CCSER1: variants seen among roughly 807,000 people sequenced by gnomAD.
CCSER1 encodes the protein coiled-coil serine rich protein 1.
A neutral mutation model predicts 82.0 loss-of-function variants in CCSER1; 41 were observed. The observed-to-expected ratio is 0.50, with a 90% CI of 0.39 to 0.65. The LOEUF (loss-of-function observed/expected upper bound fraction) is 0.65. CCSER1 is among the 30% of genes least tolerant of loss of function. The pLI, the probability that CCSER1 is intolerant of heterozygous loss-of-function variation, is 0.00. For missense variants in CCSER1, 1,119 were observed against 1,064.2 expected (o/e 1.05, Z -0.72); for synonymous variants, 414 against 383.9 (o/e 1.08, Z -0.92).
chr4:91,546,738 G>C (rs1761910239), intron 10 of CCSER1, among the ~76,000 whole-genome samples: 1 of 151,628 alleles, frequency 6.6e-6, no homozygotes, highest in African/African-American at 2.4e-5. Flanking sequence ...ATTGATTTGG[G>C]CTCTAATTTT....
intron 10 of CCSER1, among the ~76,000 whole-genome samples, chr4:91,211,062 A>G (rs1736776881): frequency 6.6e-6 from 1 of 151,978 alleles, no homozygotes; most frequent in South Asian, 2.1e-4. Context: ...ATATTGGGAA[A>G]TGATTCATGA....
rs1767659672 is a variant in CCSER1, at chr4:90,489,681, C to G, written c.1724+21327C>G. ...GATATCCATCCTCCCTCCACCCAAC[C>G]CCATGACAGGCCCTAGTGTGTGATG... is the stretch of plus-strand genomic sequence containing the variant. On this transcript the variant is annotated intron_variant, in intron 5 of 10. Transcript: ENST00000509176. Among the ~76,000 whole-genome samples the G allele has an allele frequency of 2.6e-5, 4 of 152,144 alleles. No homozygotes were observed. The South Asian group carries it at 8.3e-4, about 31-fold the overall frequency.
chr4:91,094,593 G>A (rs1370964282), intron 10 of CCSER1, among the ~76,000 whole-genome samples: 2 of 152,140 alleles, frequency 1.3e-5, no homozygotes, highest in Non-Finnish European at 2.9e-5. Flanking sequence ...AAGCATGTAA[G>A]ATGAACCTGT....
intron 9 of CCSER1, among the ~76,000 whole-genome samples, chr4:90,986,490 G>C (rs1736589372): frequency 6.6e-6 from 1 of 151,720 alleles, no homozygotes; most frequent in Non-Finnish European, 1.5e-5. Context: ...ATATGAACCT[G>C]TATTTAAATA....
intron 9 of CCSER1, among the ~76,000 whole-genome samples, chr4:91,069,625 T>C (rs1721218374): frequency 6.6e-6 from 1 of 152,190 alleles, no homozygotes; most frequent in Non-Finnish European, 1.5e-5. Context: ...ATAAATACAT[T>C]AATATGAAAA....
intron 10 of CCSER1, among the ~76,000 whole-genome samples, chr4:91,566,508 C>T (rs1762890069): frequency 1.3e-5 from 2 of 152,166 alleles, no homozygotes; most frequent in South Asian, 4.1e-4. Context: ...GCTGTTAATC[C>T]ATCAGGTCCT....
At position 91,155,582 on chromosome 4, in the gene CCSER1, T is replaced by C. The variant is rs1165887182; in HGVS notation, c.2217+69588T>C. Among the ~76,000 whole-genome samples the C allele has an allele frequency of 2.6e-5, 4 of 151,986 alleles. No individual in the cohort carries two copies. In the East Asian group the frequency reaches 7.7e-4, roughly 29 times the overall value. On this transcript the variant is annotated intron_variant, in intron 10 of 10. Transcript: ENST00000509176. ...ATGAACAAGTAGAGAGGGTCAACTT[T>C]CCATATCATTTTCATCTAATGATTC... is the stretch of plus-strand genomic sequence containing the variant.
At chr4:90,579,303 C>T (rs919210817) in intron 5 of CCSER1, among the ~76,000 whole-genome samples, 2 of 152,142 alleles carry the variant, frequency 1.3e-5, no homozygotes, top group African/African-American at 4.8e-5. Flanking sequence ...GTAATCAACA[C>T]AGTCATTTTG....
chr4:90,599,637 T>C (rs1783802009), intron 5 of CCSER1, among the ~76,000 whole-genome samples: 2 of 152,094 alleles, frequency 1.3e-5, no homozygotes, highest in African/African-American at 4.8e-5. Flanking sequence ...GCAGAGGCAA[T>C]GTGTTTTCTT....
chr4:91,128,109 A>G (rs1209909284), intron 10 of CCSER1, among the ~76,000 whole-genome samples: 1 of 151,998 alleles, frequency 6.6e-6, no homozygotes, highest in Admixed American at 6.6e-5. Flanking sequence ...TGTTATCAGG[A>G]GTCTGCTGCA....
intron 6 of CCSER1, chr4:90,693,569 G>A (rs1275277558): frequency 6.6e-6 from 1 of 151,956 alleles, no homozygotes; most frequent in Non-Finnish European, 1.5e-5. Context: ...GAATAAGCTT[G>A]ATGACCTTGG....
At chr4:90,332,860 T>A (rs1739579941) in intron 3 of CCSER1, among the ~76,000 whole-genome samples, 1 of 152,208 alleles carries the variant, frequency 6.6e-6, no homozygotes, top group Non-Finnish European at 1.5e-5. Flanking sequence ...TTATTTAATA[T>A]AAATCTATAT....
intron 9 of CCSER1, among the ~76,000 whole-genome samples, chr4:90,957,578 A>T (rs1733631896): frequency 7.5e-6 from 1 of 132,852 alleles, no homozygotes; most frequent in Non-Finnish European, 1.5e-5. Context: ...ATTATATTAT[A>T]TAATATATTA....
At chr4:90,503,583 C>T (rs1770245733) in intron 5 of CCSER1, among the ~76,000 whole-genome samples, 1 of 152,008 alleles carries the variant, frequency 6.6e-6, no homozygotes, top group African/African-American at 2.4e-5. Flanking sequence ...CCATAACAGG[C>T]CCCAGTGTGT....
intron 5 of CCSER1, among the ~76,000 whole-genome samples, chr4:90,619,921 A>T (rs1721997557): frequency 6.6e-6 from 1 of 152,104 alleles, no homozygotes; most frequent in Non-Finnish European, 1.5e-5. Flanking sequence ...ATGGGAGAGA[A>T]AAATACTCAT....
chr4:90,501,118 A>T (rs1343162774), intron 5 of CCSER1, among the ~76,000 whole-genome samples: 1 of 152,144 alleles, frequency 6.6e-6, no homozygotes, highest in Non-Finnish European at 1.5e-5. Flanking sequence ...TGACATATCG[A>T]TGAGGAATTT....
intron 6 of CCSER1, chr4:90,683,007 G>A (rs1734171265): frequency 6.6e-6 from 1 of 152,210 alleles, no homozygotes; most frequent in Admixed American, 6.6e-5. Context: ...AAGAACAAGT[G>A]CCATTTTTAT....
intron 10 of CCSER1, among the ~76,000 whole-genome samples, chr4:91,161,090 G>A (rs1731344483): frequency 6.6e-6 from 1 of 152,130 alleles, no homozygotes; most frequent in Non-Finnish European, 1.5e-5. Flanking sequence ...TAAGGTGTAA[G>A]GAAGGGATCC....
intron 1 of CCSER1, among the ~76,000 whole-genome samples, chr4:90,166,119 A>G (rs1310415196): frequency 6.6e-6 from 1 of 151,964 alleles, no homozygotes; most frequent in Non-Finnish European, 1.5e-5. Context: ...CCACACAACC[A>G]TTGTTTTCCA....
Sources: allele counts gnomAD v4.1 joint callset (sites outside exome capture counted in the v4.1 genomes callset), GRCh38; gene constraint gnomAD v4.1.1; transcripts MANE v1.5; gene names NCBI Gene and HGNC (gene_info 2026-07-23, HGNC 2026-07-21).